ABR: variants seen among roughly 807,000 people sequenced by gnomAD.
The protein encoded by ABR is active breakpoint cluster region-related protein.
Under a neutral mutation model 107.2 loss-of-function variants are expected in ABR, and 35 were observed. The observed-to-expected ratio is 0.33, with a 90% CI of 0.25 to 0.43. ABR has a LOEUF of 0.43. ABR is among the 20% of genes least tolerant of loss of function. ABR has a pLI of 1.00. For missense variants in ABR, 815 were observed against 1,115.2 expected (o/e 0.73, Z 3.83); for synonymous variants, 498 against 462.0 (o/e 1.08, Z -1.00).
intron 16 of ABR, among the ~76,000 whole-genome samples, chr17:1,021,550 C>T (rs191430404): frequency 1.3e-5 from 2 of 151,754 alleles, no homozygotes; most frequent in South Asian, 2.1e-4. Context: ...TCACGCCTGT[C>T]ATCCCAGCAC....
chr17:1,167,423 T>C (rs2041555653), intron 1 of ABR, among the ~76,000 whole-genome samples: 1 of 152,180 alleles, frequency 6.6e-6, no homozygotes, highest in African/African-American at 2.4e-5. Flanking sequence ...TTTCCCAGGG[T>C]TCCACCTGCT....
intron 1 of ABR, among the ~76,000 whole-genome samples, chr17:1,186,096 CAA>C (rs1485656821): frequency 6.6e-6 from 1 of 152,230 alleles, no homozygotes; most frequent in Non-Finnish European, 1.5e-5. Context: ...CTCCACCTCC[CAA>C]AGTGCTGGGA....
chr17:1,129,333 A>G (rs2039725157), intron 1 of ABR, among the ~76,000 whole-genome samples: 1 of 149,934 alleles, frequency 6.7e-6, no homozygotes, highest in Non-Finnish European at 1.5e-5. Flanking sequence ...AGGTCAGGAG[A>G]TCAAGACCAT....
At chr17:1,019,519 C>A (rs1233673269) in intron 16 of ABR, among the ~76,000 whole-genome samples, 1 of 152,114 alleles carries the variant, frequency 6.6e-6, no homozygotes, top group South Asian at 2.1e-4. Context: ...GCCCTGGTAT[C>A]CGCTCAGAGA....
At chr17:1,109,031 T>A in intron 2 of ABR, 2 of 1,599,054 alleles carry the variant, frequency 1.3e-6, no homozygotes, top group Non-Finnish European at 1.7e-6. Flanking sequence ...CTCCAGAACC[T>A]TGTCCAGCAA....
At chr17:1,192,097 C>T (rs1386570882), upstream of ABR, among the ~76,000 whole-genome samples, 5 of 152,072 alleles carry the variant, frequency 3.3e-5, no homozygotes, top group Admixed American at 3.3e-4. Context: ...CCTTCAGTTC[C>T]TATATTCCAG....
intron 2 of ABR, among the ~76,000 whole-genome samples, chr17:1,112,454 C>G (rs1567778384): frequency 6.6e-6 from 1 of 152,198 alleles, no homozygotes; most frequent in African/African-American, 2.4e-5. Context: ...CTTCAGCAAC[C>G]CGGTTGCAGT....
rs57412625 is a variant in ABR at position 1,079,788 on chromosome 17, C to CA, written c.640-399dup. On this transcript the variant is annotated intron_variant, in intron 5 of 22. Transcript: ENST00000302538. ...TGGGCAACAGGGCGAGACTCTGTCT[C>CA]AAAAAAAAAAAAAAAAAAAAAAAAA... is the stretch of plus-strand genomic sequence containing the variant. 4.2e-4 allele frequency among the ~76,000 whole-genome samples: 23 copies of CA among 55,112 alleles called. 2 individuals are homozygous for CA. The highest frequency in any genetic ancestry group is 1.4e-3 in the Admixed American group (5 of 3,680). 36.2% of individuals were successfully genotyped at this position (55,112 alleles called of 152,430 possible). A position where few individuals can be genotyped will look rare whatever the true frequency, so the allele number is the denominator to read the frequency against.
chr17:1,067,182 G>A lies in ABR; in HGVS notation c.1077C>T (p.Ser359=). 1 of 1,613,390 alleles carries A rather than the reference G, an allele frequency of 6.2e-7. No individual in the cohort carries two copies. The highest frequency in any genetic ancestry group is 2.2e-5 in the East Asian group (1 of 44,836). ...YIPLADLVFP[S]PEESEASPQV... Reference sequence around the variant, plus strand: ...GGGGGCTGGCCTCAGACTCCTCGGGGGATGGAAACACCAGGTCGGCCAGGG... The same window carrying A: ...GGGGGCTGGCCTCAGACTCCTCGGGAGATGGAAACACCAGGTCGGCCAGGG... The change falls in exon 10 of 23, where the codon TCC becomes TCT. Residue 359 remains serine, a synonymous_variant. Coordinates refer to ENST00000302538, the MANE Select transcript of ABR (RefSeq NM_021962.5).
At chr17:1,006,302 G>A in intron 22 of ABR, 133 bp from the exon 23 acceptor site, 1 of 823,396 alleles carries the variant, frequency 1.2e-6, no homozygotes, top group Non-Finnish European at 2.0e-6. Context: ...GCCCAGGTGT[G>A]TTTGCCTTTC....
chr17:1,029,871 A>G (rs1597444844), intron 16 of ABR, among the ~76,000 whole-genome samples: 2 of 148,342 alleles, frequency 1.3e-5, no homozygotes, highest in South Asian at 2.2e-4. Context: ...CACAGCGCTG[A>G]CCCCTGCGTC....
intron 16 of ABR, among the ~76,000 whole-genome samples, chr17:1,032,660 G>GCAGAGGACGCCACAGGCAACCAC (rs1473480086): frequency 2.7e-5 from 4 of 149,174 alleles, no homozygotes; most frequent in South Asian, 2.1e-4. Flanking sequence ...CGTGCTGGGC[G>GCAGAGGACGCCACAGGCAACCAC]CCTTGAGAGA....
intron 1 of ABR, among the ~76,000 whole-genome samples, chr17:1,135,371 TTTTGTC>T (rs1366734113): frequency 6.3e-5 from 7 of 111,298 alleles, no homozygotes; most frequent in African/African-American, 1.1e-4. Context: ...TTCTTTTTCT[TTTTGTC>T]TTTTTTTTTT....
At chr17:1,099,225 C>T (rs778888948) in intron 3 of ABR, among the ~76,000 whole-genome samples, 3 of 151,996 alleles carry the variant, frequency 2.0e-5, no homozygotes, top group South Asian at 2.1e-4. Context: ...CAGGTATGCA[C>T]CACCACGCCT....
Position 1,012,787 on chromosome 17 carries a change from T to G in ABR, c.1862A>C (p.Glu621Ala). ...TCGGCTGGTGAATTTCATGGAAAAT[T>G]CCACTTTGATCTGGTTGGGGGGTGA... is the stretch of plus-strand genomic sequence containing the variant. ...DVIEMNGIKV[E>A]FSMKFTSRDM... The change falls in exon 18 of 23, where the codon GAA becomes GCA. Residue 621 changes from glutamate (E) to alanine (A), a missense_variant. By Grantham distance (107) the Glu-to-Ala change is moderately radical. Coordinates refer to ENST00000302538, the MANE Select transcript of ABR (RefSeq NM_021962.5). 1 of 1,583,560 alleles carries G rather than the reference T, an allele frequency of 6.3e-7. No individual in the cohort carries two copies. The highest frequency in any genetic ancestry group is 8.6e-7 in the Non-Finnish European group (1 of 1,163,652).
chr17:1,161,791 G>A (rs1017665082), intron 1 of ABR, among the ~76,000 whole-genome samples: 1 of 152,062 alleles, frequency 6.6e-6, no homozygotes, highest in Admixed American at 6.6e-5. Flanking sequence ...CTGACCTCAG[G>A]TGATCCACCC....
chr17:1,121,421 G>A (rs886165518), intron 2 of ABR, among the ~76,000 whole-genome samples: 29 of 152,240 alleles, frequency 1.9e-4, no homozygotes, highest in Admixed American at 1.4e-3. Context: ...GAAAAGTCTT[G>A]TGGGCCCTGG....
rs770546803 is a variant in ABR, at chr17:1,078,688, G to A, written c.700+642C>T. 28 of 1,011,428 alleles carry A rather than the reference G, an allele frequency of 2.8e-5. No homozygotes were observed. The highest frequency in any genetic ancestry group is 2.9e-5 in the Non-Finnish European group (20 of 696,798). 62.7% of individuals were successfully genotyped at this position (1,011,428 alleles called of 1,614,324 possible). A position where few individuals can be genotyped will look rare whatever the true frequency, so the allele number is the denominator to read the frequency against. On this transcript the variant is annotated intron_variant, in intron 6 of 22. Coordinates refer to ENST00000302538, the MANE Select transcript of ABR (RefSeq NM_021962.5). The surrounding 1 kb of genome is among the most constrained non-coding windows in gnomAD (Gnocchi z 7.5). ...CCGCCAAAACGAAGGGGGAATTCAG[G>A]TCCAGCCGCTCGCCCACCCTCCTTC...
At chr17:1,042,332 GA>G (rs2030699061) in intron 16 of ABR, among the ~76,000 whole-genome samples, 1 of 151,822 alleles carries the variant, frequency 6.6e-6, no homozygotes, top group Non-Finnish European at 1.5e-5. Context: ...ACAAACGGAT[GA>G]ATAAACAGAC....
Sources: gnomAD v4.1 joint callset for allele counts (sites outside exome capture counted in the v4.1 genomes callset) on GRCh38, gnomAD v4.1.1 for gene constraint, Gnocchi (gnomAD v3.1) non-coding constraint, MANE v1.5 for transcripts, NCBI Gene and HGNC (gene_info 2026-07-23, HGNC 2026-07-21) for gene names.